SGCE: variants seen among roughly 807,000 people sequenced by gnomAD.
The protein encoded by SGCE is epsilon-sarcoglycan.
SGCE carries 26 observed loss-of-function variants against 57.8 expected under a neutral mutation model. That is an observed-to-expected ratio of 0.45 (90% CI 0.33 to 0.62). The LOEUF is 0.62. SGCE is among the 20% of genes least tolerant of loss of function. The pLI is 0.02. For missense variants in SGCE, 468 were observed against 548.6 expected (o/e 0.85, Z 1.47); for synonymous variants, 183 against 189.5 (o/e 0.97, Z 0.28).
chr7:94,655,915 C>T, intron 1 of SGCE, 75 bp downstream of exon 1: 2 of 982,242 alleles, frequency 2.0e-6, no homozygotes, highest in Non-Finnish European at 1.6e-6. Flanking sequence ...CTCAGGCGCC[C>T]GGAACCCGAG....
chr7:94,610,355 C>G (rs989562649), intron 5 of SGCE, among the ~76,000 whole-genome samples: 32 of 152,056 alleles, frequency 2.1e-4, no homozygotes, highest in African/African-American at 7.7e-4. Flanking sequence ...AAGGTAGGGA[C>G]TTTGGGTGAT....
intron 10 of SGCE, among the ~76,000 whole-genome samples, chr7:94,585,768 A>G (rs1739020416): frequency 1.3e-5 from 2 of 152,164 alleles, no homozygotes; most frequent in Admixed American, 1.3e-4. Context: ...ACAGTCTGAA[A>G]ATTCCTCCCA....
intron 5 of SGCE, among the ~76,000 whole-genome samples, chr7:94,604,555 A>T (rs1324821698): frequency 1.3e-5 from 2 of 151,260 alleles, no homozygotes; most frequent in Non-Finnish European, 3.0e-5. Context: ...GATCAATGGA[A>T]TAGAACTGAG....
chr7:94,641,689 T>G (rs1459110947), intron 1 of SGCE, among the ~76,000 whole-genome samples: 2 of 152,208 alleles, frequency 1.3e-5, no homozygotes. Flanking sequence ...AAGGCATATT[T>G]CCTTTTCAAA....
chr7:94,611,255 A>G (rs373579106), intron 5 of SGCE, among the ~76,000 whole-genome samples: 3 of 152,210 alleles, frequency 2.0e-5, no homozygotes, highest in Admixed American at 6.5e-5. Context: ...ATGCTCATCA[A>G]CTTATAAATG....
At chr7:94,599,784 T>A in intron 7 of SGCE, 61 bp from the exon 8 acceptor site, 1 of 1,144,282 alleles carries the variant, frequency 8.7e-7, no homozygotes, top group Non-Finnish European at 1.3e-6. Context: ...ACATTAAGAC[T>A]ATATGCTCAT....
chr7:94,600,602 C>A, intron 7 of SGCE, 44 bp downstream of exon 7: 1 of 1,406,912 alleles, frequency 7.1e-7, no homozygotes, highest in Non-Finnish European at 1.0e-6. Flanking sequence ...ATGTTGTTAT[C>A]TTAGCAGGAT....
Position 94,588,953 on chromosome 7 carries a change from G to A in SGCE, c.1254-221C>T, listed in dbSNP as rs146079481. 1.9e-4 allele frequency: 104 copies of A among 559,696 alleles called. No individual in the cohort carries two copies. The East Asian group carries it at 2.9e-3, about 16-fold the overall frequency. 34.7% of individuals were successfully genotyped at this position (559,696 alleles called of 1,614,324 possible). Reference sequence around the variant, plus strand: ...ATAACATGCATGAAATTTTCACTGCGGGCTATACTCTAAAGTACCTCACAA... The same window carrying A: ...ATAACATGCATGAAATTTTCACTGCAGGCTATACTCTAAAGTACCTCACAA... On this transcript the variant is annotated intron_variant, in intron 9 of 10. Transcript: ENST00000648936.
At chr7:94,614,838 AT>A (rs1468612256) in intron 5 of SGCE, among the ~76,000 whole-genome samples, 1 of 152,164 alleles carries the variant, frequency 6.6e-6, no homozygotes, top group African/African-American at 2.4e-5. Flanking sequence ...ATATTCTCCC[AT>A]TAAAAAAATA....
chr7:94,593,740 A>G (rs562937956), intron 9 of SGCE, among the ~76,000 whole-genome samples: 2 of 152,196 alleles, frequency 1.3e-5, no homozygotes, highest in East Asian at 3.9e-4. Context: ...CCTCCTAGAC[A>G]ATGTGCATGG....
At chr7:94,613,375 T>C (rs1801370205) in intron 5 of SGCE, among the ~76,000 whole-genome samples, 1 of 152,168 alleles carries the variant, frequency 6.6e-6, no homozygotes, top group African/African-American at 2.4e-5. Flanking sequence ...TTGTATGAAG[T>C]GAAAATGAGA....
chr7:94,588,076 A>G (rs1008719554), intron 10 of SGCE: 1 of 1,327,312 alleles, frequency 7.5e-7, no homozygotes, highest in African/African-American at 1.5e-5. Context: ...TGAATAAGTT[A>G]TCTACTCAGT....
intron 5 of SGCE, among the ~76,000 whole-genome samples, chr7:94,611,841 A>T (rs1209113405): frequency 6.6e-6 from 1 of 152,206 alleles, no homozygotes; most frequent in Non-Finnish European, 1.5e-5. Context: ...TTTAAGACTC[A>T]TTTGAAAGAT....
At chr7:94,619,908 C>G (rs1022452440) in intron 4 of SGCE, 2 of 152,072 alleles carry the variant, frequency 1.3e-5, no homozygotes, top group African/African-American at 4.8e-5. Context: ...ATATAAGGTG[C>G]TCAGCAGAGC....
intron 1 of SGCE, among the ~76,000 whole-genome samples, chr7:94,648,785 T>C (rs1468952780): frequency 3.9e-5 from 6 of 152,250 alleles, no homozygotes; most frequent in African/African-American, 1.4e-4. Context: ...AGGGCTATTT[T>C]TTCTCTTATT....
chr7:94,622,066 G>A (rs940295454), intron 4 of SGCE: 8 of 152,098 alleles, frequency 5.3e-5, no homozygotes, highest in Non-Finnish European at 1.2e-4. Context: ...TAATTTTACA[G>A]AAATTCCTTC....
rs73720694 is a variant in SGCE at position 94,631,706 on chromosome 7, G to A, written c.110-1865C>T. On this transcript the variant is annotated intron_variant, in intron 1 of 10. Coordinates refer to ENST00000648936, the MANE Select transcript of SGCE (RefSeq NM_003919.3). Reference sequence around the variant, plus strand: ...TGCTGGATCCTGGGGTAAATTTAAGGTAGGGGGAGGCAAAACTGGGAAGAA... The same window carrying A: ...TGCTGGATCCTGGGGTAAATTTAAGATAGGGGGAGGCAAAACTGGGAAGAA... Among the ~76,000 whole-genome samples, 988 of 151,954 alleles carry A rather than the reference G, an allele frequency of 6.5e-3. 9 individuals are homozygous for A. The highest frequency in any genetic ancestry group is 0.023 in the African/African-American group (963 of 41,496).
intron 1 of SGCE, among the ~76,000 whole-genome samples, chr7:94,639,997 C>T (rs1014470412): frequency 3.3e-5 from 5 of 152,020 alleles, no homozygotes; most frequent in African/African-American, 9.7e-5. Flanking sequence ...TACAAGACAC[C>T]TTGTAATGGA....
rs2117017785 is a variant in SGCE at position 94,635,972 on chromosome 7, C to T, written c.110-6131G>A. 2.0e-5 allele frequency among the ~76,000 whole-genome samples: 3 copies of T among 152,104 alleles called. No homozygotes were observed. In the South Asian group the frequency reaches 6.2e-4, roughly 32 times the overall value. On this transcript the variant is annotated intron_variant, in intron 1 of 10. Transcript: ENST00000648936. ...ATAGTCCATGCCTTGGCTGTGGAAT[C>T]CATCACTAAGAAGGCATTACAGTGT... is the stretch of plus-strand genomic sequence containing the variant.
Sources: gnomAD v4.1 joint callset for allele counts (sites outside exome capture counted in the v4.1 genomes callset) on GRCh38, gnomAD v4.1.1 for gene constraint, MANE v1.5 for transcripts, NCBI Gene and HGNC (gene_info 2026-07-23, HGNC 2026-07-21) for gene names.